Variants in EBF4 observed in about 807,000 individuals in gnomAD.
The protein encoded by EBF4 is transcription factor COE4.
EBF4 carries 34 observed loss-of-function variants against 67.1 expected under a neutral mutation model. The observed-to-expected ratio is 0.51, with a 90% CI of 0.39 to 0.67. The LOEUF (loss-of-function observed/expected upper bound fraction) is 0.67, where lower values mean the gene tolerates loss of function less well. Among genes scored for constraint, EBF4 ranks in the 30% least tolerant of loss-of-function variants. The pLI is 0.00. For synonymous variants in EBF4, 387 were observed against 377.7 expected, an observed-to-expected ratio of 1.02 and a Z score of -0.29; for missense variants, 837 against 873.3, an observed-to-expected ratio of 0.96 and a Z score of 0.52.
Position 2,755,897 on chromosome 20 carries a change from G to T in EBF4, c.1738+73G>T. 5.0e-6 allele frequency: 7 copies of T among 1,387,558 alleles called. No homozygotes were observed. Among genetic ancestry groups the T allele is most frequent in the Non-Finnish European group, 6.8e-6 (7 of 1,027,528 alleles). 86.0% of individuals were successfully genotyped at this position (1,387,558 alleles called of 1,614,324 possible). On this transcript the variant is annotated intron_variant, in intron 15 of 16. Transcript: ENST00000609451. This position sits in a 1 kb window ranked among gnomAD's most constrained non-coding sequence, Gnocchi z 4.7. The stretch of plus-strand genomic sequence containing the variant: ...TGGAGCAGCTGGGCTACAGGGGCCT[G>T]CTCTGTCCACATCTCACCAGTGCCT...
intron 1 of EBF4, among the ~76,000 whole-genome samples, chr20:2,700,581 C>T (rs1172852381): frequency 6.6e-6 from 1 of 152,168 alleles, no homozygotes; most frequent in Non-Finnish European, 1.5e-5. Context: ...ACCTGTGTCC[C>T]CACACATCTG....
At chr20:2,721,568 C>T (rs919773646) in intron 6 of EBF4, among the ~76,000 whole-genome samples, 2 of 152,102 alleles carry the variant, frequency 1.3e-5, no homozygotes, top group African/African-American at 4.8e-5. Context: ...GATTCTTCTG[C>T]CTCAGCCTCC....
At position 2,749,761 on chromosome 20, in the gene EBF4, A is replaced by C. The variant is rs1318339506; in HGVS notation, c.891+8A>C. 1 of 1,458,140 alleles carries C rather than the reference A, an allele frequency of 6.9e-7. No homozygotes were observed. Among genetic ancestry groups the C allele is most frequent in the Non-Finnish European group, 9.1e-7 (1 of 1,104,354 alleles). The allele number at this position is 1,458,140 out of a possible 1,614,324, so 90.3% of individuals were successfully genotyped here. A position where few individuals can be genotyped will look rare whatever the true frequency, so the allele number is the denominator to read the frequency against. Reference sequence around the variant, plus strand: ...GTGCTCGTGTGGAGCGAGGTGGGCCAACCCCGCCAGTCTCCCTCTGGGCCT... The same window carrying C: ...GTGCTCGTGTGGAGCGAGGTGGGCCCACCCCGCCAGTCTCCCTCTGGGCCT... On this transcript the variant is annotated splice_region_variant and intron_variant, in intron 9 of 16. Transcript: ENST00000609451.
intron 6 of EBF4, among the ~76,000 whole-genome samples, chr20:2,741,720 G>A (rs1255601267): frequency 1.3e-5 from 2 of 152,162 alleles, no homozygotes; most frequent in Non-Finnish European, 2.9e-5. Context: ...TCAGAGTCAT[G>A]ATGCATAACT....
chr20:2,737,638 G>T (rs2087907305), intron 6 of EBF4, among the ~76,000 whole-genome samples: 1 of 151,870 alleles, frequency 6.6e-6, no homozygotes, highest in South Asian at 2.1e-4. Flanking sequence ...CACCCTTACC[G>T]ATCATCTTAG....
chr20:2,705,327 C>A (rs868172315), intron 1 of EBF4, among the ~76,000 whole-genome samples: 5 of 152,336 alleles, frequency 3.3e-5, no homozygotes, highest in Middle Eastern at 3.4e-3. Flanking sequence ...GGGCCTCCTC[C>A]TTTGCAGTCA....
chr20:2,728,432 C>G (rs2087771646), intron 6 of EBF4, among the ~76,000 whole-genome samples: 1 of 152,170 alleles, frequency 6.6e-6, no homozygotes, highest in African/African-American at 2.4e-5. Context: ...AAAGGGTCTT[C>G]TCCCTTTCTT....
At chr20:2,752,236 G>T in exon 13 of EBF4, 1 of 1,327,124 alleles carries the variant, frequency 7.5e-7, no homozygotes, top group Non-Finnish European at 9.6e-7. Flanking sequence ...CATCGCCGTC[G>T]GGGACGCCAC....
chr20:2,710,852 G>A (rs2087533581), intron 6 of EBF4, among the ~76,000 whole-genome samples: 2 of 152,060 alleles, frequency 1.3e-5, no homozygotes, highest in South Asian at 2.1e-4. Flanking sequence ...TATAAAAATG[G>A]TGACAGTGGC....
In EBF4 at chr20:2,694,366, T is replaced by C. The variant is rs193104158; in HGVS notation, c.137+584T>C. On this transcript the variant is annotated intron_variant, in intron 1 of 16. Transcript: ENST00000609451. Reference sequence around the variant, plus strand: ...ACTGGGCAGGGCCCCTGCCTTTCCCTCGGGTGTTTTTCTGGTAGGTCCTTT... The same window carrying C: ...ACTGGGCAGGGCCCCTGCCTTTCCCCCGGGTGTTTTTCTGGTAGGTCCTTT... Among the ~76,000 whole-genome samples, 24 of 152,268 alleles carry C rather than the reference T, an allele frequency of 1.6e-4. 1 individual carries two copies. In the East Asian group the frequency reaches 4.4e-3, roughly 28 times the overall value.
chr20:2,694,862 G>A (rs1024132679), intron 1 of EBF4, among the ~76,000 whole-genome samples: 8 of 152,196 alleles, frequency 5.3e-5, no homozygotes, highest in Non-Finnish European at 2.9e-5. Context: ...TGGCTGTCGG[G>A]AGGGAACGCT....
rs1000845799 is a variant in EBF4 at position 2,710,305 on chromosome 20, C to A, written c.557+663C>A. 2.6e-5 allele frequency among the ~76,000 whole-genome samples: 4 copies of A among 152,060 alleles called. No individual in the cohort carries two copies. In the East Asian group the frequency reaches 5.8e-4, roughly 22 times the overall value. Reference sequence around the variant, plus strand: ...TTGGGACTACAAGGACACGCCTCCACACCTGGCTAATTTTTTGTATTTTTT... The same window carrying A: ...TTGGGACTACAAGGACACGCCTCCAAACCTGGCTAATTTTTTGTATTTTTT... On this transcript the variant is annotated intron_variant, in intron 6 of 16. Transcript: ENST00000609451.
Position 2,756,103 on chromosome 20 carries a change from G to A in EBF4, c.1738+279G>A, listed in dbSNP as rs1371537638. ...CTCAAATCACAGTTGATGAGGTCTA[G>A]AAACTACCCCAACACTCCATCCCCA... On this transcript the variant is annotated intron_variant, in intron 15 of 16. Coordinates refer to ENST00000609451, the Ensembl canonical transcript of EBF4. This position sits in a 1 kb window ranked among gnomAD's most constrained non-coding sequence, Gnocchi z 4.5. 6.6e-6 allele frequency among the ~76,000 whole-genome samples: 1 copy of A among 152,208 alleles called. No homozygotes were observed. The highest frequency in any genetic ancestry group is 6.5e-5 in the Admixed American group (1 of 15,282).
At position 2,751,571 on chromosome 20, in the gene EBF4, G is replaced by C. The variant is rs2088145727; in HGVS notation, c.1019-129G>C. 1.1e-6 allele frequency: 1 copy of C among 894,150 alleles called. No individual in the cohort carries two copies. Among genetic ancestry groups the C allele is most frequent in the South Asian group, 1.6e-5 (1 of 62,716 alleles). 55.4% of individuals were successfully genotyped at this position (894,150 alleles called of 1,614,324 possible). On this transcript the variant is annotated intron_variant, in intron 10 of 16. Coordinates refer to ENST00000609451, the Ensembl canonical transcript of EBF4. The surrounding 1 kb of genome is among the most constrained non-coding windows in gnomAD (Gnocchi z 5.2). ...TGGAGTTTTCCGGGGGACTTGGGCTGGGCCTGGTGGAGGGGGCTGCAGCGA... is the reference window on the plus strand; with the variant it reads ...TGGAGTTTTCCGGGGGACTTGGGCTCGGCCTGGTGGAGGGGGCTGCAGCGA...
intron 6 of EBF4, among the ~76,000 whole-genome samples, chr20:2,726,580 CA>C (rs10681053): frequency 3.5e-4 from 51 of 144,454 alleles, no homozygotes; most frequent in East Asian, 4.0e-4. Context: ...GACCCTGTCT[CA>C]AAAAAAAAAA....
chr20:2,704,211 G>C (rs2087418481), intron 1 of EBF4, among the ~76,000 whole-genome samples: 1 of 152,074 alleles, frequency 6.6e-6, no homozygotes, highest in South Asian at 2.1e-4. Flanking sequence ...GGGCTCACTG[G>C]GAACCATCTT....
At position 2,696,292 on chromosome 20, in the gene EBF4, T is replaced by C. The variant is rs558351150; in HGVS notation, c.137+2510T>C. 9.9e-5 allele frequency among the ~76,000 whole-genome samples: 15 copies of C among 152,108 alleles called. No homozygotes were observed. Among genetic ancestry groups the C allele is most frequent in the Non-Finnish European group, 1.9e-4 (13 of 68,012 alleles). On this transcript the variant is annotated intron_variant, in intron 1 of 16. Transcript: ENST00000609451. This position sits in a 1 kb window ranked among gnomAD's most constrained non-coding sequence, Gnocchi z 4.7. ...TTCGAGACCAGCCTAGCCAACATGG[T>C]GAAACCCTGTCTCTACTAATAATAC... is the stretch of plus-strand genomic sequence containing the variant.
chr20:2,710,482 G>A (rs2146397304), intron 6 of EBF4, among the ~76,000 whole-genome samples: 1 of 151,970 alleles, frequency 6.6e-6, no homozygotes, highest in Admixed American at 6.5e-5. Context: ...GCATAAATAA[G>A]GTGTAAAATT....
At chr20:2,709,684 G>T (rs547107711) in intron 6 of EBF4, 42 bp downstream of exon 6, 15 of 1,487,078 alleles carry the variant, frequency 1.0e-5, no homozygotes, top group South Asian at 3.9e-5. Context: ...AGAGGAGAGT[G>T]GGGGAGGGGC....
Sources: allele counts gnomAD v4.1 joint callset (sites outside exome capture counted in the v4.1 genomes callset), GRCh38; gene constraint gnomAD v4.1.1; non-coding constraint Gnocchi (gnomAD v3.1); transcripts MANE v1.5; gene names NCBI Gene and HGNC (gene_info 2026-07-23, HGNC 2026-07-21).